DUSP22: variants seen among roughly 807,000 people sequenced by gnomAD.
DUSP22 encodes the protein dual specificity phosphatase 22, also known as dual specificity protein phosphatase 22.
In DUSP22, 24 loss-of-function variants were observed where a neutral mutation model predicts 24.5. The ratio of observed to expected loss-of-function variants is 0.98; its 90% confidence interval spans 0.71 to 1.38. The LOEUF (loss-of-function observed/expected upper bound fraction) is 1.38. Among genes scored for constraint, DUSP22 ranks in the 40% most tolerant of loss-of-function variants. DUSP22 has a pLI of 0.00. For synonymous variants in DUSP22, 160 were observed against 106.4 expected (o/e 1.50, Z -3.10); for missense variants, 330 against 269.2 (o/e 1.23, Z -1.58).
At chr6:323,200 T>C (rs1758690840) in intron 3 of DUSP22, among the ~76,000 whole-genome samples, 1 of 152,288 alleles carries the variant, frequency 6.6e-6, no homozygotes, top group Non-Finnish European at 1.5e-5. Flanking sequence ...TTCCCCTCTG[T>C]GTGGCCAGAC....
intron 2 of DUSP22, among the ~76,000 whole-genome samples, chr6:308,542 G>T (rs570599265): frequency 6.6e-6 from 1 of 152,424 alleles, no homozygotes; most frequent in East Asian, 1.9e-4. Flanking sequence ...GCCCCGGAGT[G>T]CTTCCCTGTG....
At chr6:292,667 G>T (rs1358809185) in intron 1 of DUSP22, 107 bp downstream of exon 1, 1 of 1,447,818 alleles carries the variant, frequency 6.9e-7, no homozygotes, top group African/African-American at 1.4e-5. Context: ...CTTTCCCGCG[G>T]TGGGGACGGG....
At position 351,075 on chromosome 6, in the gene DUSP22, G is replaced by A. The variant is rs1760189713; in HGVS notation, c.*2124G>A. 1.5e-5 allele frequency: 12 copies of A among 798,922 alleles called. No homozygotes were observed. The highest frequency in any genetic ancestry group is 3.2e-4 in the Middle Eastern group (1 of 3,084). The allele number at this position is 798,922 out of a possible 1,614,324, so 49.5% of individuals were successfully genotyped here. A position where few individuals can be genotyped will look rare whatever the true frequency, so the allele number is the denominator to read the frequency against. On this transcript the variant is annotated 3_prime_UTR_variant, in exon 7 of 7. Transcript: ENST00000419235. The stretch of plus-strand genomic sequence containing the variant: ...ATATTTTCCCCTTATCCCCACTGCT[G>A]TGGAGGTTTCTGTACCTCGCTTGGA...
At chr6:336,162 G>A (rs139470323) in intron 4 of DUSP22, among the ~76,000 whole-genome samples, 23 of 152,408 alleles carry the variant, frequency 1.5e-4, no homozygotes, top group Middle Eastern at 3.4e-3. Flanking sequence ...AAAGGCTGGG[G>A]CTGGAAGTAA....
intron 4 of DUSP22, among the ~76,000 whole-genome samples, chr6:338,872 T>C (rs1355407587): frequency 6.6e-6 from 1 of 152,304 alleles, no homozygotes; most frequent in Non-Finnish European, 1.5e-5. Flanking sequence ...TGAGACTAGC[T>C]GTTGTCACTT....
At chr6:347,759 C>T (rs973631940) in intron 5 of DUSP22, among the ~76,000 whole-genome samples, 23 of 152,298 alleles carry the variant, frequency 1.5e-4, no homozygotes, top group Non-Finnish European at 3.2e-4. Context: ...CTGGAAGCCT[C>T]GTTTCCTTGG....
chr6:328,977 A>G (rs1010466847), intron 3 of DUSP22, among the ~76,000 whole-genome samples: 5 of 152,300 alleles, frequency 3.3e-5, no homozygotes, highest in Non-Finnish European at 7.3e-5. Flanking sequence ...CATAATTTCT[A>G]CAAATGTTAT....
chr6:307,010 T>C (rs969374884), intron 2 of DUSP22, among the ~76,000 whole-genome samples: 2 of 152,302 alleles, frequency 1.3e-5, no homozygotes, highest in Non-Finnish European at 2.9e-5. Flanking sequence ...GCTACTGCCA[T>C]GGGAGCCCGA....
chr6:341,389 C>A (rs1363187908), intron 4 of DUSP22, among the ~76,000 whole-genome samples: 3 of 152,306 alleles, frequency 2.0e-5, no homozygotes, highest in Non-Finnish European at 2.9e-5. Context: ...ATAGAAGGAC[C>A]AGGACTGTGG....
At position 350,246 on chromosome 6, in the gene DUSP22, C is replaced by T. The variant is rs1449881127; in HGVS notation, c.*1295C>T. Reference sequence around the variant, plus strand: ...GTTGCCAGTTTGGGCTCCAGTAATGCTTTCTGGTGGGTAAAATTCCACATT... The same window carrying T: ...GTTGCCAGTTTGGGCTCCAGTAATGTTTTCTGGTGGGTAAAATTCCACATT... On this transcript the variant is annotated 3_prime_UTR_variant, in exon 7 of 7. Transcript: ENST00000419235. The T allele has an allele frequency of 1.0e-6, 1 of 988,246 alleles. No individual in the cohort carries two copies. The highest frequency in any genetic ancestry group is 1.2e-6 in the Non-Finnish European group (1 of 832,030). 61.2% of individuals were successfully genotyped at this position (988,246 alleles called of 1,614,324 possible).
In DUSP22 at chr6:349,350, A is replaced by G. The variant is rs555250906; in HGVS notation, c.*399A>G. The G allele has an allele frequency of 4.3e-5, 45 of 1,038,472 alleles. No homozygotes were observed. In the African/African-American group the frequency reaches 7.4e-4, roughly 17 times the overall value. The allele number at this position is 1,038,472 out of a possible 1,614,324, so 64.3% of individuals were successfully genotyped here. ...CACATGAATGTTTGTGTGTGTGTGA[A>G]CTCTTTCTTACTGCTGGAAGTCACA... is the stretch of plus-strand genomic sequence containing the variant. On this transcript the variant is annotated 3_prime_UTR_variant, in exon 7 of 7. Transcript: ENST00000419235.
intron 3 of DUSP22, among the ~76,000 whole-genome samples, chr6:329,359 A>C (rs1427844815): frequency 1.3e-5 from 2 of 152,310 alleles, no homozygotes; most frequent in African/African-American, 4.8e-5. Context: ...CTTTAGGAGA[A>C]TGAAAAAGTC....
intron 5 of DUSP22, 82 bp downstream of exon 5, chr6:346,010 T>G: frequency 6.5e-7 from 1 of 1,549,080 alleles, no homozygotes; most frequent in South Asian, 1.1e-5. Flanking sequence ...CGTGTGTGAA[T>G]AATGGTTTCA....
intron 3 of DUSP22, among the ~76,000 whole-genome samples, chr6:318,170 G>T (rs1200044049): frequency 6.6e-6 from 1 of 152,306 alleles, no homozygotes; most frequent in Non-Finnish European, 1.5e-5. Flanking sequence ...TGCAGCTCCT[G>T]TGACTTTCTG....
chr6:325,539 G>C (rs1758822178), intron 3 of DUSP22: 3 of 176,100 alleles, frequency 1.7e-5, no homozygotes, highest in Non-Finnish European at 3.4e-5. Context: ...GTCCTGGTGT[G>C]TGCAATGCTG....
intron 1 of DUSP22, among the ~76,000 whole-genome samples, chr6:303,280 C>CT (rs1430036983): frequency 6.6e-6 from 1 of 152,308 alleles, no homozygotes; most frequent in African/African-American, 2.4e-5. Context: ...AGACTGTTGT[C>CT]TCGGAGTAAT....
At position 349,584 on chromosome 6, in the gene DUSP22, G is replaced by A. The variant is rs899632733; in HGVS notation, c.*633G>A. ...GGGTGGTGTGGTGGGGGCAACAGGGGCCAGACTCCTCTAGAGGGAGGGTGG... is the reference window on the plus strand; with the variant it reads ...GGGTGGTGTGGTGGGGGCAACAGGGACCAGACTCCTCTAGAGGGAGGGTGG... On this transcript the variant is annotated 3_prime_UTR_variant, in exon 7 of 7. Transcript: ENST00000419235. 7.6e-4 allele frequency: 756 copies of A among 988,236 alleles called. No homozygotes were observed. Among genetic ancestry groups the A allele is most frequent in the Non-Finnish European group, 8.5e-4 (704 of 832,086 alleles). 61.2% of individuals were successfully genotyped at this position (988,236 alleles called of 1,614,324 possible).
At chr6:326,067 A>T (rs1758857020) in intron 3 of DUSP22, 1 of 217,534 alleles carries the variant, frequency 4.6e-6, no homozygotes. Context: ...GTGCCTGGAG[A>T]GTCATCTGCC....
intron 4 of DUSP22, among the ~76,000 whole-genome samples, chr6:335,959 C>T (rs1759345433): frequency 6.6e-6 from 1 of 152,306 alleles, no homozygotes; most frequent in East Asian, 1.9e-4. Context: ...TAATTGTTCC[C>T]TTTTCCATAT....
Sources: gnomAD v4.1 joint callset for allele counts (sites outside exome capture counted in the v4.1 genomes callset) on GRCh38, gnomAD v4.1.1 for gene constraint, MANE v1.5 for transcripts, NCBI Gene and HGNC (gene_info 2026-07-23, HGNC 2026-07-21) for gene names.